The following KRABD4 variants were observed in gnomAD, a reference collection of about 807,000 sequenced individuals.
The protein encoded by KRABD4 is KRAB domain containing 4.
At chrX:46,450,065 A>G in the KRABD4 span, among the ~76,000 whole-genome samples, 2 of 111,895 alleles carry the variant, frequency 1.8e-5, no homozygotes, top group African/African-American at 3.3e-5. Flanking sequence ...CCGCTTCCAC[A>G]TATTAATATT....
At chrX:46,449,896 G>T in the KRABD4 span, among the ~76,000 whole-genome samples, 1 of 111,217 alleles carries the variant, frequency 9.0e-6, no homozygotes, top group Non-Finnish European at 1.9e-5. Flanking sequence ...CTTCAGAGTA[G>T]CAGGGACTAC....
At chrX:46,457,324 AC>A in the KRABD4 span, 1 of 141,982 alleles carries the variant, frequency 7.0e-6, no homozygotes, top group South Asian at 3.2e-4. Context: ...AAATGTTAAA[AC>A]CCGTAGAATC....
chrX:46,461,467 A>G, the KRABD4 span, among the ~76,000 whole-genome samples: 235 of 110,573 alleles, frequency 2.1e-3, 1 homozygote, highest in South Asian at 5.3e-3. Context: ...GCCTGTCCCC[A>G]CCCTCTGGCA....
the KRABD4 span, among the ~76,000 whole-genome samples, chrX:46,460,557 C>T: frequency 4.7e-5 from 5 of 106,646 alleles, no homozygotes; most frequent in Admixed American, 1.0e-4. Flanking sequence ...CACTACCATC[C>T]GGGAACCACC....
chrX:46,465,309 T>C, the KRABD4 span, among the ~76,000 whole-genome samples: 1 of 112,486 alleles, frequency 8.9e-6, no homozygotes, highest in Non-Finnish European at 1.9e-5. Context: ...AATATTGCAC[T>C]GATTGTTTTG....
At chrX:46,452,104 C>T in the KRABD4 span, among the ~76,000 whole-genome samples, 2 of 111,562 alleles carry the variant, frequency 1.8e-5, no homozygotes, top group Non-Finnish European at 3.8e-5. Context: ...GCCACCATGC[C>T]CAGCCAATTT....
the KRABD4 span, chrX:46,447,299 A>G: frequency 2.7e-5 from 3 of 111,208 alleles, no homozygotes; most frequent in African/African-American, 9.8e-5. Flanking sequence ...CCTAGTTCAC[A>G]CTGGCTGTTG....
the KRABD4 span, among the ~76,000 whole-genome samples, chrX:46,459,837 C>T: frequency 8.9e-6 from 1 of 111,900 alleles, no homozygotes; most frequent in Non-Finnish European, 1.9e-5. Context: ...TATGTAATCC[C>T]AGGCCCCAGG....
the KRABD4 span, among the ~76,000 whole-genome samples, chrX:46,458,989 C>G: frequency 1.4e-3 from 126 of 87,614 alleles, no homozygotes; most frequent in Non-Finnish European, 1.9e-3. Flanking sequence ...ATACTTTTGT[C>G]TAAGTGAAAA....
At chrX:46,456,788 A>T in the KRABD4 span, 2 of 349,014 alleles carry the variant, frequency 5.7e-6, no homozygotes, top group Non-Finnish European at 9.6e-6. Flanking sequence ...TACTGGAATC[A>T]AGTAGCTCAG....
the KRABD4 span, chrX:46,472,796 A>C: frequency 2.5e-6 from 3 of 1,211,907 alleles, no homozygotes; most frequent in Non-Finnish European, 3.4e-6. Context: ...AGGAAAGCCA[A>C]GACAAACTTC....
chrX:46,453,690 T>C, the KRABD4 span, among the ~76,000 whole-genome samples: 2 of 112,149 alleles, frequency 1.8e-5, no homozygotes, highest in Non-Finnish European at 3.8e-5. Context: ...AAACAACTTG[T>C]TATTAACATA....
At chrX:46,452,982 A>G in the KRABD4 span, among the ~76,000 whole-genome samples, 2 of 111,584 alleles carry the variant, frequency 1.8e-5, no homozygotes, top group South Asian at 7.4e-4. Context: ...TCTTTCAAAT[A>G]TTTATTCTAG....
the KRABD4 span, among the ~76,000 whole-genome samples, chrX:46,468,500 CG>C: frequency 9.1e-6 from 1 of 110,127 alleles, no homozygotes; most frequent in Non-Finnish European, 1.9e-5. Context: ...TGTACTCCAG[CG>C]CTCCAGTACT....
At chrX:46,461,167 G>C in the KRABD4 span, among the ~76,000 whole-genome samples, 5 of 110,467 alleles carry the variant, frequency 4.5e-5, no homozygotes, top group Non-Finnish European at 9.4e-5. Flanking sequence ...CTGGAGGACT[G>C]AGTAAACTAT....
the KRABD4 span, among the ~76,000 whole-genome samples, chrX:46,469,028 C>T: frequency 9.8e-5 from 11 of 112,356 alleles, no homozygotes; most frequent in East Asian, 3.1e-3. Context: ...CCAACAAAAT[C>T]TGAAATCCAA....
chrX:46,463,807 T>C, the KRABD4 span, among the ~76,000 whole-genome samples: 254 of 110,888 alleles, frequency 2.3e-3, 6 homozygotes, highest in East Asian at 0.056. Flanking sequence ...TTTGTTTGTT[T>C]GTTTTGAGTC....
chrX:46,457,856 C>T, the KRABD4 span, among the ~76,000 whole-genome samples: 11 of 110,155 alleles, frequency 1.0e-4, no homozygotes, highest in African/African-American at 3.6e-4. Flanking sequence ...GATTCTCCCG[C>T]TCAGCCTCCC....
At chrX:46,462,018 G>C in the KRABD4 span, among the ~76,000 whole-genome samples, 2 of 111,605 alleles carry the variant, frequency 1.8e-5, no homozygotes, top group African/African-American at 6.5e-5. Context: ...GTGTGGTTTT[G>C]TATCAATCTT....
Sources: allele counts gnomAD v4.1 joint callset (sites outside exome capture counted in the v4.1 genomes callset), GRCh38; gene constraint gnomAD v4.1.1; transcripts MANE v1.5; gene names NCBI Gene and HGNC (gene_info 2026-07-23, HGNC 2026-07-21).